The following RBFOX1 variants were observed in gnomAD, a reference collection of about 807,000 sequenced individuals.
The protein encoded by RBFOX1 is RNA binding protein fox-1 homolog 1.
A neutral mutation model predicts 57.7 loss-of-function variants in RBFOX1; 8 were observed. That is an observed-to-expected ratio of 0.14 (90% CI 0.08 to 0.25). The LOEUF (loss-of-function observed/expected upper bound fraction) is 0.25. Among genes scored for constraint, RBFOX1 ranks in the 10% least tolerant of loss-of-function variants. The pLI is 1.00. For missense variants in RBFOX1, 611 were observed against 548.5 expected (o/e 1.11, Z -1.14); for synonymous variants, 326 against 222.4 (o/e 1.47, Z -4.15).
chr16:7,336,255 T>C (rs996441636), intron 4 of RBFOX1, among the ~76,000 whole-genome samples: 2 of 152,142 alleles, frequency 1.3e-5, no homozygotes, highest in African/African-American at 4.8e-5. Flanking sequence ...TTGTAACTGG[T>C]TAGGCTATTT....
At chr16:5,508,086 A>T (rs1897811358) in intron 2 of RBFOX1, among the ~76,000 whole-genome samples, 1 of 152,210 alleles carries the variant, frequency 6.6e-6, no homozygotes, top group South Asian at 2.1e-4. Flanking sequence ...CTGACATGCT[A>T]GTTTTCTATT....
At chr16:7,518,560 C>T (rs1350866101) in intron 5 of RBFOX1, among the ~76,000 whole-genome samples, 171 bp downstream of exon 5, 1 of 152,214 alleles carries the variant, frequency 6.6e-6, no homozygotes, top group African/African-American at 2.4e-5. Context: ...TCCATGCATT[C>T]ATTCTTAGCG....
chr16:6,642,376 C>G (rs1009297729), intron 2 of RBFOX1, among the ~76,000 whole-genome samples: 2 of 152,144 alleles, frequency 1.3e-5, no homozygotes, highest in African/African-American at 2.4e-5. Flanking sequence ...CGCTGTGATG[C>G]CAATGCATAG....
intron 3 of RBFOX1, among the ~76,000 whole-genome samples, chr16:6,783,334 G>A (rs1205377124): frequency 1.8e-5 from 2 of 112,772 alleles, no homozygotes; most frequent in South Asian, 5.4e-4. Context: ...TTTTCTTCTT[G>A]TCTTCCTTTC....
At chr16:7,402,156 G>T (rs1464010915) in intron 4 of RBFOX1, among the ~76,000 whole-genome samples, 1 of 152,068 alleles carries the variant, frequency 6.6e-6, no homozygotes, top group African/African-American at 2.4e-5. Context: ...TATATATTGT[G>T]TTATAAAACT....
At chr16:5,386,827 G>A (rs2066272031) in intron 1 of RBFOX1, among the ~76,000 whole-genome samples, 1 of 152,184 alleles carries the variant, frequency 6.6e-6, no homozygotes, top group African/African-American at 2.4e-5. Context: ...AAGGTGGGCG[G>A]ATCACCTGAG....
At chr16:5,659,227 T>C (rs1341380047) in intron 3 of RBFOX1, among the ~76,000 whole-genome samples, 2 of 152,176 alleles carry the variant, frequency 1.3e-5, no homozygotes, top group Non-Finnish European at 1.5e-5. Flanking sequence ...GGTATTCTTT[T>C]ATGGTTTTGA....
At chr16:6,485,223 C>T (rs1012933647) in intron 2 of RBFOX1, among the ~76,000 whole-genome samples, 1 of 152,128 alleles carries the variant, frequency 6.6e-6, no homozygotes, top group Non-Finnish European at 1.5e-5. Context: ...CTTATCTGCC[C>T]ACACGCTTCC....
At chr16:6,660,834 G>A (rs757103867) in intron 3 of RBFOX1, among the ~76,000 whole-genome samples, 12 of 152,114 alleles carry the variant, frequency 7.9e-5, no homozygotes, top group Non-Finnish European at 1.6e-4. Flanking sequence ...TTTATCAAAT[G>A]AGGCCCTGGA....
intron 3 of RBFOX1, among the ~76,000 whole-genome samples, chr16:5,833,048 T>C (rs1431594456): frequency 1.3e-5 from 2 of 152,080 alleles, no homozygotes; most frequent in African/African-American, 2.4e-5. Context: ...TCCATTCAAT[T>C]TCAGGGTGTC....
At chr16:7,512,057 C>G (rs749080215) in intron 4 of RBFOX1, among the ~76,000 whole-genome samples, 3 of 151,572 alleles carry the variant, frequency 2.0e-5, no homozygotes, top group Non-Finnish European at 4.4e-5. Context: ...CACAAGCACC[C>G]TGACTCTGCA....
intron 4 of RBFOX1, among the ~76,000 whole-genome samples, chr16:7,153,469 G>A (rs1170198075): frequency 2.0e-5 from 3 of 152,046 alleles, no homozygotes; most frequent in Non-Finnish European, 2.9e-5. Context: ...GGGCAAGGTG[G>A]CTCACGTCTG....
chr16:6,706,200 A>G (rs1360544345), intron 3 of RBFOX1, among the ~76,000 whole-genome samples: 1 of 152,132 alleles, frequency 6.6e-6, no homozygotes, highest in Non-Finnish European at 1.5e-5. Flanking sequence ...TAAGCCCTAA[A>G]TTCCTCTCCT....
At chr16:6,532,314 A>C (rs891454641) in intron 2 of RBFOX1, among the ~76,000 whole-genome samples, 2 of 152,094 alleles carry the variant, frequency 1.3e-5, no homozygotes, top group African/African-American at 4.8e-5. Context: ...ACCAGTGAGC[A>C]AGTGATCTCC....
At chr16:6,753,974 G>C (rs762591359) in intron 3 of RBFOX1, among the ~76,000 whole-genome samples, 1 of 152,136 alleles carries the variant, frequency 6.6e-6, no homozygotes, top group Non-Finnish European at 1.5e-5. Context: ...GGAGCTGACT[G>C]TTGACTTGGA....
chr16:6,028,259 G>A (rs927264221), intron 1 of RBFOX1, among the ~76,000 whole-genome samples: 39 of 152,168 alleles, frequency 2.6e-4, no homozygotes, highest in African/African-American at 8.2e-4. Context: ...GATAAGAGGA[G>A]GGAGGGAGTG....
At chr16:6,860,502 C>G (rs146544716) in intron 3 of RBFOX1, among the ~76,000 whole-genome samples, 114 of 152,276 alleles carry the variant, frequency 7.5e-4, no homozygotes, top group African/African-American at 2.6e-3. Flanking sequence ...TTGGCGCTCA[C>G]TTTAGTAACA....
At chr16:7,315,459 C>CCCCCCG (rs1555700232) in intron 4 of RBFOX1, among the ~76,000 whole-genome samples, 2 of 147,580 alleles carry the variant, frequency 1.4e-5, no homozygotes, top group Non-Finnish European at 3.0e-5. Flanking sequence ...CTACCCTACC[C>CCCCCCG]CCCCCCCCAT....
intron 4 of RBFOX1, among the ~76,000 whole-genome samples, chr16:7,072,853 G>A (rs1269666641): frequency 6.6e-6 from 1 of 152,168 alleles, no homozygotes; most frequent in Non-Finnish European, 1.5e-5. Context: ...GAACATAAGT[G>A]CTCTGAGATG....
Sources: gnomAD v4.1 joint callset for allele counts (sites outside exome capture counted in the v4.1 genomes callset) on GRCh38, gnomAD v4.1.1 for gene constraint, MANE v1.5 for transcripts, NCBI Gene and HGNC (gene_info 2026-07-23, HGNC 2026-07-21) for gene names.